Variants in RBFOX1 observed in about 807,000 individuals in gnomAD.
RBFOX1 encodes the protein RNA binding protein fox-1 homolog 1.
Under a neutral mutation model 57.7 loss-of-function variants are expected in RBFOX1, and 8 were observed. That is an observed-to-expected ratio of 0.14 (90% CI 0.08 to 0.25). The LOEUF is 0.25. Among genes scored for constraint, RBFOX1 ranks in the 10% least tolerant of loss-of-function variants. The pLI, the probability that RBFOX1 is intolerant of heterozygous loss-of-function variation, is 1.00. For missense variants in RBFOX1, 611 were observed against 548.5 expected (o/e 1.11, Z -1.14); for synonymous variants, 326 against 222.4 (o/e 1.47, Z -4.15).
At chr16:5,331,397 C>G (rs533445438) in intron 1 of RBFOX1, among the ~76,000 whole-genome samples, 2 of 152,324 alleles carry the variant, frequency 1.3e-5, no homozygotes, top group African/African-American at 2.4e-5. Flanking sequence ...ATGGGCTGAT[C>G]TTGGCTAGAC....
At chr16:6,536,158 C>T (rs1567595126) in intron 2 of RBFOX1, among the ~76,000 whole-genome samples, 1 of 152,168 alleles carries the variant, frequency 6.6e-6, no homozygotes, top group South Asian at 2.1e-4. Context: ...AGACCACAAT[C>T]ATCACAAGAC....
chr16:7,505,466 T>G (rs1663943490), intron 4 of RBFOX1, among the ~76,000 whole-genome samples: 2 of 152,224 alleles, frequency 1.3e-5, no homozygotes, highest in Non-Finnish European at 2.9e-5. Flanking sequence ...TCGCTCATTT[T>G]TTAAGGGCTA....
intron 4 of RBFOX1, among the ~76,000 whole-genome samples, chr16:7,210,627 C>G (rs1457212708): frequency 6.6e-6 from 1 of 152,180 alleles, no homozygotes; most frequent in African/African-American, 2.4e-5. Flanking sequence ...ATGATGACAA[C>G]TGCTACTCTG....
chr16:7,248,707 C>A lies in RBFOX1; in HGVS notation c.27+196609C>A, dbSNP rs1329765503. ...ATAAGCACCAAGAAAATTAGAGTTG[C>A]ATGTTATTCATCATCCAGAGATAAT... On this transcript the variant is annotated intron_variant, in intron 4 of 15. Transcript: ENST00000550418. 2.0e-5 allele frequency among the ~76,000 whole-genome samples: 3 copies of A among 152,222 alleles called. No homozygotes were observed. In the East Asian group the frequency reaches 5.8e-4, roughly 29 times the overall value.
At chr16:6,930,343 C>G (rs1002450130) in intron 3 of RBFOX1, among the ~76,000 whole-genome samples, 2 of 152,132 alleles carry the variant, frequency 1.3e-5, no homozygotes, top group South Asian at 2.1e-4. Flanking sequence ...CATCACTAAT[C>G]TCTAGAGAAA....
chr16:7,543,210 A>G (rs866423331), intron 5 of RBFOX1, among the ~76,000 whole-genome samples: 1 of 152,198 alleles, frequency 6.6e-6, no homozygotes, highest in Non-Finnish European at 1.5e-5. Flanking sequence ...GGAATGGCCA[A>G]TGGGAATATG....
intron 3 of RBFOX1, among the ~76,000 whole-genome samples, chr16:5,703,706 C>T (rs900549167): frequency 1.3e-5 from 2 of 151,978 alleles, no homozygotes; most frequent in African/African-American, 2.4e-5. Context: ...GGGATAATGT[C>T]TTTATTGCAT....
At chr16:5,824,216 GGCGCCAGAGTCT>G (rs1271473657) in intron 3 of RBFOX1, among the ~76,000 whole-genome samples, 1 of 152,154 alleles carries the variant, frequency 6.6e-6, no homozygotes, top group Non-Finnish European at 1.5e-5. Flanking sequence ...AGTAGGAGGG[GGCGCCAGAGTCT>G]GCGCCAGGTC....
chr16:5,794,314 ACCT>A (rs2054801950), intron 3 of RBFOX1, among the ~76,000 whole-genome samples: 1 of 119,958 alleles, frequency 8.3e-6, no homozygotes, highest in African/African-American at 3.2e-5. Flanking sequence ...CTTCACCTTC[ACCT>A]CCTTTTTTTC....
At chr16:5,408,160 G>A (rs953923048) in intron 1 of RBFOX1, among the ~76,000 whole-genome samples, 9 of 152,136 alleles carry the variant, frequency 5.9e-5, no homozygotes, top group African/African-American at 2.2e-4. Context: ...TCAGCTGCTC[G>A]TGGTGTTTGA....
intron 1 of RBFOX1, among the ~76,000 whole-genome samples, chr16:6,227,131 A>C (rs1598556580): frequency 6.6e-6 from 1 of 151,854 alleles, no homozygotes; most frequent in Admixed American, 6.6e-5. Context: ...CTCAAGAAAA[A>C]AAAAAGTAAT....
intron 3 of RBFOX1, among the ~76,000 whole-genome samples, chr16:6,733,457 G>A (rs2069195090): frequency 6.6e-6 from 1 of 152,156 alleles, no homozygotes; most frequent in South Asian, 2.1e-4. Context: ...ATTAAAAAAG[G>A]TTTTTTGGTG....
chr16:5,739,132 T>A (rs1340563686), intron 3 of RBFOX1, among the ~76,000 whole-genome samples: 1 of 152,260 alleles, frequency 6.6e-6, no homozygotes, highest in Non-Finnish European at 1.5e-5. Context: ...TCCATTGGGC[T>A]GTAAACTTCT....
chr16:7,013,739 C>T (rs954426466), intron 3 of RBFOX1, among the ~76,000 whole-genome samples: 24 of 151,744 alleles, frequency 1.6e-4, no homozygotes, highest in African/African-American at 5.3e-4. Flanking sequence ...CTCACTGCAG[C>T]CTCAAACTCC....
chr16:5,588,496 T>A (rs2046904147), intron 2 of RBFOX1, among the ~76,000 whole-genome samples: 1 of 152,218 alleles, frequency 6.6e-6, no homozygotes, highest in African/African-American at 2.4e-5. Context: ...TGCTTTTTTT[T>A]CTAGTTTTAC....
At chr16:6,410,292 G>A (rs946115409) in intron 2 of RBFOX1, among the ~76,000 whole-genome samples, 4 of 145,688 alleles carry the variant, frequency 2.7e-5, no homozygotes, top group African/African-American at 1.0e-4. Context: ...CTGAAACGAT[G>A]ACCTAGGGTT....
At chr16:5,561,351 A>C (rs777807981) in intron 2 of RBFOX1, among the ~76,000 whole-genome samples, 2 of 152,174 alleles carry the variant, frequency 1.3e-5, no homozygotes, top group African/African-American at 4.8e-5. Context: ...AAACTTGGCT[A>C]AAAAGGGGAC....
chr16:7,061,256 T>G (rs936715159), intron 4 of RBFOX1, among the ~76,000 whole-genome samples: 7 of 152,024 alleles, frequency 4.6e-5, no homozygotes, highest in Admixed American at 2.0e-4. Flanking sequence ...ACATTTAAAA[T>G]GTTTTTTAAA....
chr16:6,562,165 A>G (rs184741949), intron 2 of RBFOX1, among the ~76,000 whole-genome samples: 4 of 152,340 alleles, frequency 2.6e-5, no homozygotes, highest in Admixed American at 6.5e-5. Context: ...GTAACATTGT[A>G]GTCAAGAGTT....
Sources: allele counts gnomAD v4.1 joint callset (sites outside exome capture counted in the v4.1 genomes callset), GRCh38; gene constraint gnomAD v4.1.1; transcripts MANE v1.5; gene names NCBI Gene and HGNC (gene_info 2026-07-23, HGNC 2026-07-21).